Variants in CA1 observed in about 807,000 individuals in gnomAD.
CA1 encodes the protein carbonate dehydratase I.
A neutral mutation model predicts 28.8 loss-of-function variants in CA1; 27 were observed. The ratio of observed to expected loss-of-function variants is 0.94; its 90% CI spans 0.69 to 1.29. The LOEUF (loss-of-function observed/expected upper bound fraction) is 1.29, where lower values mean the gene tolerates loss of function less well. CA1 is among the 50% of genes most tolerant of loss of function. The pLI, the probability that CA1 is intolerant of heterozygous loss-of-function variation, is 0.00. For missense variants in CA1, 335 were observed against 310.5 expected (o/e 1.08, Z -0.59); for synonymous variants, 121 against 108.8 (o/e 1.11, Z -0.70).
intron 1 of CA1, among the ~76,000 whole-genome samples, chr8:85,365,168 G>A (rs1318752896): frequency 1.3e-5 from 2 of 152,214 alleles, no homozygotes; most frequent in Non-Finnish European, 2.9e-5. Flanking sequence ...TCAGAATTGA[G>A]TTATAATACC....
chr8:85,334,596 C>T (rs948649873), intron 4 of CA1, among the ~76,000 whole-genome samples: 4 of 151,470 alleles, frequency 2.6e-5, no homozygotes, highest in East Asian at 3.9e-4. Context: ...CCCTTCCTCC[C>T]TCCCTCCCTT....
At chr8:85,344,201 A>G (rs1479962206) in intron 1 of CA1, among the ~76,000 whole-genome samples, 4 of 112,032 alleles carry the variant, frequency 3.6e-5, no homozygotes, top group African/African-American at 5.0e-5. Context: ...TATATTATAC[A>G]GTATATAATA....
At chr8:85,373,671 T>C (rs553091905) in intron 1 of CA1, among the ~76,000 whole-genome samples, 1 of 152,346 alleles carries the variant, frequency 6.6e-6, no homozygotes, top group Non-Finnish European at 1.5e-5. Flanking sequence ...GGTTCGGTAC[T>C]AGCCATGGTT....
rs755922228 is a variant in CA1 at position 85,333,578 on chromosome 8, C to T, written c.397G>A (p.Ala133Thr). The T allele has an allele frequency of 9.1e-5, 146 of 1,612,754 alleles. No homozygotes were observed. Among genetic ancestry groups the T allele is most frequent in the Middle Eastern group, 3.3e-4 (2 of 6,070 alleles). Residue 133 changes from alanine to threonine, a missense_variant, in exon 5 of 8, where the codon GCT becomes ACT. Transcript: ENST00000523022. Reference sequence around the variant, plus strand: ...CCATCAGCCTTTGAGGCAGCTTCAGCAAGGCTGGAGTACTTTGCAGAATTC... The same window carrying T: ...CCATCAGCCTTTGAGGCAGCTTCAGTAAGGCTGGAGTACTTTGCAGAATTC... The part of the protein sequence containing the change: ...HWNSAKYSSL[A>T]EAASKADGLA...
At chr8:85,350,938 G>A (rs529683236) in intron 1 of CA1, among the ~76,000 whole-genome samples, 28 of 152,218 alleles carry the variant, frequency 1.8e-4, no homozygotes, top group Middle Eastern at 3.4e-3. Flanking sequence ...CAGGGTTCAC[G>A]TTCGATGTTC....
rs549655282 is a variant in CA1, at chr8:85,370,687, G to A, written c.-25+7359C>T. ...CTGTCAAAATGTATGACAACCTGTA[G>A]TATAAGTATGTACAGATACACTACT... On this transcript the variant is annotated intron_variant, in intron 1 of 7. Coordinates refer to ENST00000523022, the MANE Select transcript of CA1 (RefSeq NM_001128831.4). Among the ~76,000 whole-genome samples, 3 of 152,198 alleles carry A rather than the reference G, an allele frequency of 2.0e-5. No homozygotes were observed. The East Asian group carries it at 5.8e-4, about 29-fold the overall frequency.
chr8:85,350,801 G>A (rs949109381), intron 1 of CA1, among the ~76,000 whole-genome samples: 7 of 152,122 alleles, frequency 4.6e-5, no homozygotes, highest in Non-Finnish European at 8.8e-5. Flanking sequence ...TTAGAATGAA[G>A]CTTATGAATG....
intron 7 of CA1, among the ~76,000 whole-genome samples, chr8:85,329,204 AAT>A (rs1808295738): frequency 6.6e-6 from 1 of 152,182 alleles, no homozygotes; most frequent in Non-Finnish European, 1.5e-5. Flanking sequence ...TAAGGCACGT[AAT>A]AAACATGGTA....
In CA1 at chr8:85,376,693, AT is replaced by A. The variant is rs1810431845; in HGVS notation, c.-25+1352del. Among the ~76,000 whole-genome samples the A allele has an allele frequency of 1.2e-4, 18 of 151,422 alleles. No individual in the cohort carries two copies. In the South Asian group the frequency reaches 3.7e-3, roughly 31 times the overall value. Reference sequence around the variant, plus strand: ...AATAAATAAATAAATAAATAAATAAATAAATAAATAAATAAAACTAGGTAAG... The same window carrying A: ...AATAAATAAATAAATAAATAAATAAAAAATAAATAAATAAAACTAGGTAAG... On this transcript the variant is annotated intron_variant, in intron 1 of 7. Transcript: ENST00000523022.
intron 5 of CA1, among the ~76,000 whole-genome samples, chr8:85,332,898 C>T (rs1808470335): frequency 1.3e-5 from 2 of 152,076 alleles, no homozygotes; most frequent in African/African-American, 4.8e-5. Flanking sequence ...TTCATTACTA[C>T]AGTATTTGGC....
intron 1 of CA1, among the ~76,000 whole-genome samples, chr8:85,363,587 C>T (rs1304883979): frequency 2.0e-5 from 3 of 152,202 alleles, no homozygotes; most frequent in Non-Finnish European, 2.9e-5. Flanking sequence ...ATCTGTGTCT[C>T]CTTCCCTTTC....
intron 1 of CA1, 119 bp from the exon 2 acceptor site, chr8:85,341,778 A>G (rs1174586233): frequency 4.6e-6 from 3 of 658,396 alleles, no homozygotes; most frequent in Non-Finnish European, 8.2e-6. Context: ...CCATTATTTC[A>G]TCATCTCTGC....
At position 85,342,409 on chromosome 8, in the gene CA1, A is replaced by G. The variant is rs1039019754; in HGVS notation, c.-24-750T>C. ...CATCACACATACATACAAATGCTATATAGTAAGAATTAGCATTTGTAATTG... is the reference window on the plus strand; with the variant it reads ...CATCACACATACATACAAATGCTATGTAGTAAGAATTAGCATTTGTAATTG... On this transcript the variant is annotated intron_variant, in intron 1 of 7. Transcript: ENST00000523022. Among the ~76,000 whole-genome samples, 4 of 152,188 alleles carry G rather than the reference A, an allele frequency of 2.6e-5. No individual in the cohort carries two copies. In the East Asian group the frequency reaches 5.8e-4, roughly 22 times the overall value.
chr8:85,352,634 A>G lies in CA1; in HGVS notation c.-24-10975T>C, dbSNP rs1031578355. Among the ~76,000 whole-genome samples, 3 of 149,878 alleles carry G rather than the reference A, an allele frequency of 2.0e-5. No individual in the cohort carries two copies. In the South Asian group the frequency reaches 6.3e-4, roughly 32 times the overall value. Reference sequence around the variant, plus strand: ...CAGGATGCATGCCCCTGCTCTGCCCAGCCCCTTCCTGCCAGCTCAGCCCTC... The same window carrying G: ...CAGGATGCATGCCCCTGCTCTGCCCGGCCCCTTCCTGCCAGCTCAGCCCTC... On this transcript the variant is annotated intron_variant, in intron 1 of 7. Coordinates refer to ENST00000523022, the MANE Select transcript of CA1 (RefSeq NM_001128831.4).
chr8:85,338,787 C>G (rs1808792349), intron 2 of CA1, among the ~76,000 whole-genome samples: 1 of 148,638 alleles, frequency 6.7e-6, no homozygotes, highest in Non-Finnish European at 1.5e-5. Flanking sequence ...GCTCTTGGCT[C>G]ACTGCAACCT....
intron 2 of CA1, chr8:85,340,901 T>C (rs942413590): frequency 3.9e-5 from 6 of 152,464 alleles, no homozygotes; most frequent in Non-Finnish European, 5.9e-5. Context: ...TCCCAGCACG[T>C]TGGGAGGCCA....
At chr8:85,367,763 C>CT (rs1383799116) in intron 1 of CA1, among the ~76,000 whole-genome samples, 3 of 152,116 alleles carry the variant, frequency 2.0e-5, no homozygotes, top group Non-Finnish European at 4.4e-5. Context: ...TCAGAAATAG[C>CT]TAAGGTTTCC....
chr8:85,348,585 T>A lies in CA1; in HGVS notation c.-24-6926A>T, dbSNP rs73267580. Among the ~76,000 whole-genome samples the A allele has an allele frequency of 2.0e-3, 308 of 152,276 alleles. 1 individual carries two copies. Among genetic ancestry groups the A allele is most frequent in the African/African-American group, 7.0e-3 (291 of 41,562 alleles). Reference sequence around the variant, plus strand: ...ACATTATAGAGGTCCTCTTTACTGATCTTAAAAGAGTAAACAAAGACATGT... The same window carrying A: ...ACATTATAGAGGTCCTCTTTACTGAACTTAAAAGAGTAAACAAAGACATGT... On this transcript the variant is annotated intron_variant, in intron 1 of 7. Coordinates refer to ENST00000523022, the MANE Select transcript of CA1 (RefSeq NM_001128831.4).
At chr8:85,375,805 T>C (rs1288163838) in intron 1 of CA1, among the ~76,000 whole-genome samples, 3 of 152,182 alleles carry the variant, frequency 2.0e-5, no homozygotes, top group Non-Finnish European at 2.9e-5. Flanking sequence ...GAGCTATAGA[T>C]CATGAGCTTG....
Sources: gnomAD v4.1 joint callset for allele counts (sites outside exome capture counted in the v4.1 genomes callset) on GRCh38, gnomAD v4.1.1 for gene constraint, MANE v1.5 for transcripts, NCBI Gene and HGNC (gene_info 2026-07-23, HGNC 2026-07-21) for gene names.